Variants in AGRN observed in about 807,000 individuals in gnomAD.
AGRN encodes the protein agrin proteoglycan.
AGRN carries 106 observed loss-of-function variants against 211.0 expected under a neutral mutation model. That is an observed-to-expected ratio of 0.50 (90% CI 0.43 to 0.59). The LOEUF is 0.59. Ranked by LOEUF, AGRN falls within the 20% of genes least tolerant of loss-of-function variation. The pLI, the probability that AGRN is intolerant of heterozygous loss-of-function variation, is 0.00. For missense variants in AGRN, 3,040 were observed against 2,982.6 expected (o/e 1.02, Z -0.45); for synonymous variants, 1,525 against 1,332.5 (o/e 1.14, Z -3.15).
intron 2 of AGRN, chr1:1,034,156 C>T: frequency 3.0e-6 from 3 of 985,314 alleles, no homozygotes; most frequent in Non-Finnish European, 3.6e-6. Flanking sequence ...GGACAGCAGA[C>T]CCTCGGCGCC....
rs750933418 is a variant in AGRN, at chr1:1,020,344, G to A, written c.172G>A (p.Asp58Asn). The change falls in exon 1 of 36, where the codon GAC (aspartate) becomes AAC (asparagine). Residue 58 changes from aspartate to asparagine, a missense_variant. Around this residue, in one of 3 missense-constraint regions of AGRN, gnomAD observed 1,498 missense variants for 1,457.8 expected, o/e 1.03. Coordinates refer to ENST00000379370, the MANE Select transcript of AGRN (RefSeq NM_198576.4). ...GACGGTGGAGGAGATCCTCAACGTG[G>A]ACCCGGTGCAGCACACGTACTCCTG... ...TGTVEEILNV[D>N]PVQHTYSCKV... The A allele has an allele frequency of 3.7e-4, 552 of 1,494,676 alleles. No individual in the cohort carries two copies. The highest frequency in any genetic ancestry group is 4.6e-4 in the Non-Finnish European group (520 of 1,120,670). 92.6% of individuals were successfully genotyped at this position (1,494,676 alleles called of 1,614,324 possible).
rs112416296 is a variant in AGRN, at chr1:1,049,386, C to T, written c.4449C>T (p.Gly1483=). The T allele has an allele frequency of 7.5e-6, 12 of 1,598,916 alleles. No homozygotes were observed. In the South Asian group the frequency reaches 1.2e-4, roughly 16 times the overall value. The change falls in exon 25 of 36, where the codon GGC becomes GGT. Residue 1483 remains glycine, a synonymous_variant. Transcript: ENST00000379370. ...ETPVLGESPS[G]TDGLNLDTDL... Reference sequence around the variant, plus strand: ...CTGTTCTGGGCGAGAGTCCCAGTGGCACCGACGGCCTCAACCTGGACACAG... The same window carrying T: ...CTGTTCTGGGCGAGAGTCCCAGTGGTACCGACGGCCTCAACCTGGACACAG...
intron 4 of AGRN, 112 bp downstream of exon 4, chr1:1,040,992 CG>C: frequency 3.6e-6 from 1 of 276,968 alleles, no homozygotes; most frequent in Non-Finnish European, 5.6e-6. Context: ...CGGGGCCCGG[CG>C]GGGAGGAGCG....
rs1416723485 is a variant in AGRN at position 1,053,882 on chromosome 1, C to T, written c.5781C>T (p.His1927=). ...DYVALAIVDG[H]LQLSYNLGSQ... is the part of the protein sequence containing the mutation. ...TGGCACTGGCCATTGTGGACGGGCACCTGCAACTGAGCTACAACCTGGGCT... is the reference window on the plus strand; with the variant it reads ...TGGCACTGGCCATTGTGGACGGGCATCTGCAACTGAGCTACAACCTGGGCT... Residue 1927 remains histidine (H), a synonymous_variant, in exon 34 of 36, where the codon CAC becomes CAT. Coordinates refer to ENST00000379370, the MANE Select transcript of AGRN (RefSeq NM_198576.4). 5.0e-6 allele frequency: 8 copies of T among 1,609,356 alleles called. No individual in the cohort carries two copies. In the East Asian group the frequency reaches 1.1e-4, roughly 22 times the overall value.
Position 1,035,296 on chromosome 1 carries a change from C to T in AGRN, c.483C>T (p.Phe161=), listed in dbSNP as rs192831476. The change falls in exon 3 of 36, where the codon TTC becomes TTT. Residue 161 remains phenylalanine, a synonymous_variant. Coordinates refer to ENST00000379370, the MANE Select transcript of AGRN (RefSeq NM_198576.4). ...FCVEDKPGTH[F]TPVPPTPPDA... is the part of the protein sequence containing the mutation. Reference sequence around the variant, plus strand: ...TTCCAGATAAACCCGGGACCCACTTCACTCCAGTGCCTCCGACGCCTCCTG... The same window carrying T: ...TTCCAGATAAACCCGGGACCCACTTTACTCCAGTGCCTCCGACGCCTCCTG... 38 of 1,613,122 alleles carry T rather than the reference C, an allele frequency of 2.4e-5. No individual in the cohort carries two copies. The East Asian group carries it at 7.8e-4, about 33-fold the overall frequency.
At chr1:1,035,443 C>T in intron 3 of AGRN, 119 bp downstream of exon 3, 1 of 1,361,118 alleles carries the variant, frequency 7.3e-7, no homozygotes, top group Non-Finnish European at 1.0e-6. Flanking sequence ...GGAGGCTGGA[C>T]AAGGGCACCT....
In AGRN at chr1:1,051,816, G is replaced by A; in HGVS notation, c.5651+1G>A. 6.2e-7 allele frequency: 1 copy of A among 1,613,652 alleles called. No individual in the cohort carries two copies. The highest frequency in any genetic ancestry group is 8.5e-7 in the Non-Finnish European group (1 of 1,179,952). ...AGTACCTCAACGCTGTGACCGAGAG[G>A]TAACGTGCCATCCTCTGCTGGCTGT... On this transcript the variant is annotated splice_donor_variant, in intron 33 of 35. Transcript: ENST00000379370. LOFTEE classifies it high-confidence loss of function.
chr1:1,047,155 T>C, intron 19 of AGRN, 172 bp from the exon 20 acceptor site: 1 of 1,345,936 alleles, frequency 7.4e-7, no homozygotes, highest in Non-Finnish European at 9.9e-7. Context: ...CTCTGAGGAG[T>C]CCTCCTGGTA....
chr1:1,049,113 G>T (rs1645193010), intron 24 of AGRN, 54 bp downstream of exon 24: 3 of 962,540 alleles, frequency 3.1e-6, no homozygotes, highest in Admixed American at 3.9e-5. Flanking sequence ...GGAGGGGACG[G>T]GCGGGGGAGG....
chr1:1,045,763 G>A lies in AGRN; in HGVS notation c.2567G>A (p.Arg856Gln), dbSNP rs576278814. The A allele has an allele frequency of 2.5e-5, 41 of 1,613,406 alleles. No individual in the cohort carries two copies. The highest frequency in any genetic ancestry group is 1.2e-4 in the Admixed American group (7 of 60,028). ...AGCTGTGATCCCCAAGGCGCCGTGC[G>A]GGATGACTGTGAGCAGATGACGGGG... ...PCSCDPQGAV[R>Q]DDCEQMTGLC... Residue 856 changes from arginine (R) to glutamine (Q), a missense_variant, in exon 15 of 36, where the codon CGG becomes CAG. By Grantham distance (43) the Arg-to-Gln change is conservative. Transcript: ENST00000379370.
chr1:1,038,572 G>A (rs1327477101), intron 3 of AGRN, among the ~76,000 whole-genome samples: 1 of 152,248 alleles, frequency 6.6e-6, no homozygotes, highest in African/African-American at 2.4e-5. Flanking sequence ...GAGCATGCCC[G>A]CCATCCAGGA....
In AGRN at chr1:1,035,259, G is replaced by A; in HGVS notation, c.464-18G>A. The A allele has an allele frequency of 6.2e-7, 1 of 1,613,000 alleles. No individual in the cohort carries two copies. Among genetic ancestry groups the A allele is most frequent in the South Asian group, 1.1e-5 (1 of 91,090 alleles). On this transcript the variant is annotated intron_variant, in intron 2 of 35. Transcript: ENST00000379370. The stretch of plus-strand genomic sequence containing the variant: ...GCCTGCTCAGAGGAGCCTAACTTGG[G>A]GATTTGTTTTCTTCCAGATAAACCC...
At chr1:1,042,738 C>T (rs958551389) in intron 7 of AGRN, among the ~76,000 whole-genome samples, 8 of 152,316 alleles carry the variant, frequency 5.3e-5, no homozygotes, top group Middle Eastern at 6.8e-3. Flanking sequence ...TCCAGGAGCC[C>T]GCAGCCCGAG....
chr1:1,021,279 C>T (rs1197854715), intron 1 of AGRN, among the ~76,000 whole-genome samples: 1 of 152,214 alleles, frequency 6.6e-6, no homozygotes. Context: ...CCCGCTGCTC[C>T]TGGGTGTGGC....
rs555669283 is a variant in AGRN at position 1,021,122 on chromosome 1, T to C, written c.201+749T>C. ...CCATCTCCTGGGACCAGAAATCCAC[T>C]CATTTCCCTCCACGGAGGTGGAGAA... is the stretch of plus-strand genomic sequence containing the variant. On this transcript the variant is annotated intron_variant, in intron 1 of 35. Transcript: ENST00000379370. Among the ~76,000 whole-genome samples the C allele has an allele frequency of 2.6e-5, 4 of 152,164 alleles. No homozygotes were observed. In the South Asian group the frequency reaches 8.3e-4, roughly 32 times the overall value.
At position 1,054,906 on chromosome 1, in the gene AGRN, G is replaced by T; in HGVS notation, c.6063G>T (p.Val2021=). 2 of 1,549,288 alleles carry T rather than the reference G, an allele frequency of 1.3e-6. No individual in the cohort carries two copies. Among genetic ancestry groups the T allele is most frequent in the Non-Finnish European group, 1.7e-6 (2 of 1,147,578 alleles). Residue 2021 remains valine (V), a synonymous_variant, in exon 36 of 36, where the codon GTG becomes GTT. Coordinates refer to ENST00000379370, the MANE Select transcript of AGRN (RefSeq NM_198576.4). ...TGFVGCLRDV[V]VGRHPLHLLE... ...TTGTGGGCTGCTTGCGGGACGTGGT[G>T]GTGGGCCGGCACCCGCTGCACCTGC...
chr1:1,038,898 G>A lies in AGRN; in HGVS notation c.512-1767G>A, dbSNP rs1253135227. 2.0e-5 allele frequency among the ~76,000 whole-genome samples: 3 copies of A among 152,204 alleles called. No individual in the cohort carries two copies. The East Asian group carries it at 5.8e-4, about 29-fold the overall frequency. On this transcript the variant is annotated intron_variant, in intron 3 of 35. Coordinates refer to ENST00000379370, the MANE Select transcript of AGRN (RefSeq NM_198576.4). ...GAAGGGAAGTGAAAGGGCCAGGGGTGCATGTGGTTTGAGTTTGATTTGAGC... is the reference window on the plus strand; with the variant it reads ...GAAGGGAAGTGAAAGGGCCAGGGGTACATGTGGTTTGAGTTTGATTTGAGC...
At position 1,049,076 on chromosome 1, in the gene AGRN, C is replaced by T. The variant is rs188005130; in HGVS notation, c.4298+17C>T. On this transcript the variant is annotated intron_variant, in intron 24 of 35. Coordinates refer to ENST00000379370, the MANE Select transcript of AGRN (RefSeq NM_198576.4). ...GCAGCTCAGGTGGGCGGGGAGGGGACGGGGCCGGGGCAGCTCAGGTGGGCG... is the reference window on the plus strand; with the variant it reads ...GCAGCTCAGGTGGGCGGGGAGGGGATGGGGCCGGGGCAGCTCAGGTGGGCG... 5,424 of 1,054,236 alleles carry T rather than the reference C, an allele frequency of 5.1e-3. 119 individuals carry two copies. In the African/African-American group the frequency reaches 0.074, roughly 14 times the overall value. The allele number at this position is 1,054,236 out of a possible 1,614,324, so 65.3% of individuals were successfully genotyped here. A position where few individuals can be genotyped will look rare whatever the true frequency, so the allele number is the denominator to read the frequency against.
At chr1:1,024,524 C>G (rs1644477157) in intron 2 of AGRN, among the ~76,000 whole-genome samples, 1 of 152,068 alleles carries the variant, frequency 6.6e-6, no homozygotes, top group Non-Finnish European at 1.5e-5. Context: ...GAAGCTACCC[C>G]TGAGACCACA....
Sources: gnomAD v4.1 joint callset for allele counts (sites outside exome capture counted in the v4.1 genomes callset) on GRCh38, gnomAD v4.1.1 for gene constraint, gnomAD v4.1.1 regional missense constraint, MANE v1.5 for transcripts, NCBI Gene and HGNC (gene_info 2026-07-23, HGNC 2026-07-21) for gene names.